The following RAB3GAP1 variants were observed in gnomAD, a reference collection of about 807,000 sequenced individuals.
RAB3GAP1 encodes RAB3 GTPase activating protein catalytic subunit 1.
In RAB3GAP1, 86 loss-of-function variants were observed where a neutral mutation model predicts 130.7. That is an observed-to-expected ratio of 0.66 (90% CI 0.55 to 0.79). The LOEUF is 0.79. RAB3GAP1 is among the 30% of genes least tolerant of loss of function. The pLI is 0.00. For synonymous variants in RAB3GAP1, 367 were observed against 401.7 expected, an observed-to-expected ratio of 0.91 and a Z score of 1.03; for missense variants, 1,029 against 1,169.4, an observed-to-expected ratio of 0.88 and a Z score of 1.75.
chr2:135,080,920 C>G (rs946617723), intron 3 of RAB3GAP1, among the ~76,000 whole-genome samples: 1 of 152,122 alleles, frequency 6.6e-6, no homozygotes, highest in African/African-American at 2.4e-5. Context: ...GAAGGCCAGC[C>G]AGGCCACCTG....
intron 5 of RAB3GAP1, among the ~76,000 whole-genome samples, chr2:135,110,059 A>T (rs912279039): frequency 3.9e-5 from 6 of 152,130 alleles, no homozygotes; most frequent in African/African-American, 1.4e-4. Context: ...CCTATTGGGG[A>T]AAAAGTAGTG....
chr2:135,163,056 G>T lies in RAB3GAP1; in HGVS notation c.2561G>T (p.Gly854Val), dbSNP rs756725998. The T allele has an allele frequency of 3.1e-6, 5 of 1,613,966 alleles. No individual in the cohort carries two copies. The Admixed American group carries it at 6.7e-5, about 22-fold the overall frequency. The change falls in exon 22 of 24, where the codon GGA (glycine) becomes GTA (valine). Residue 854 changes from glycine to valine, a missense_variant. By Grantham distance (109) the Gly-to-Val change is moderately radical. Coordinates refer to ENST00000264158, the MANE Select transcript of RAB3GAP1 (RefSeq NM_012233.3). ...GCTCGGTCACTAAAAGCCAAGTTTG[G>T]AACTGAGAAATGTGAACAGGAGGAG... is the stretch of plus-strand genomic sequence containing the variant. ...ARARSLKAKF[G>V]TEKCEQEEEK...
chr2:135,164,420 C>T (rs1345217562), intron 22 of RAB3GAP1, among the ~76,000 whole-genome samples, 174 bp from the exon 23 acceptor site: 5 of 152,104 alleles, frequency 3.3e-5, no homozygotes, highest in African/African-American at 1.2e-4. Context: ...TCAGTTAAGT[C>T]GATAATAATT....
chr2:135,150,520 G>A lies in RAB3GAP1; in HGVS notation c.2061+14G>A. 6.2e-7 allele frequency: 1 copy of A among 1,613,754 alleles called. No homozygotes were observed. The highest frequency in any genetic ancestry group is 8.5e-7 in the Non-Finnish European group (1 of 1,180,010). On this transcript the variant is annotated intron_variant, in intron 18 of 23. Transcript: ENST00000264158. ...GAGTCTTTTAAGGTGGGTCACACTT[G>A]CAGAGCTCTGGGGTCTATTTTGAGC...
intron 17 of RAB3GAP1, among the ~76,000 whole-genome samples, chr2:135,142,329 C>T (rs1691866921): frequency 6.6e-6 from 1 of 151,872 alleles, no homozygotes; most frequent in African/African-American, 2.4e-5. Context: ...GTTCATTTTC[C>T]AATTTTTTTC....
chr2:135,151,052 A>G (rs998853534), intron 18 of RAB3GAP1, among the ~76,000 whole-genome samples: 6 of 152,234 alleles, frequency 3.9e-5, no homozygotes, highest in African/African-American at 1.4e-4. Flanking sequence ...ATTTCAGATG[A>G]GTAGGCATTT....
At chr2:135,157,968 G>A (rs1400532839) in intron 19 of RAB3GAP1, among the ~76,000 whole-genome samples, 1 of 152,048 alleles carries the variant, frequency 6.6e-6, no homozygotes, top group Non-Finnish European at 1.5e-5. Context: ...AACTAAATAT[G>A]TTGGTGGTGT....
At chr2:135,148,668 CTTT>C (rs60407802) in intron 17 of RAB3GAP1, among the ~76,000 whole-genome samples, 5,036 of 113,058 alleles carry the variant, frequency 0.045, 114 homozygotes, top group African/African-American at 0.061. Flanking sequence ...ATTTTTGTAT[CTTT>C]TTTTTTTTTT....
intron 3 of RAB3GAP1, among the ~76,000 whole-genome samples, chr2:135,063,790 A>G (rs1180799016): frequency 3.3e-5 from 5 of 152,192 alleles, no homozygotes; most frequent in East Asian, 1.9e-4. Flanking sequence ...ACGTGAATGT[A>G]CAAATATCTG....
chr2:135,070,244 G>A (rs992435994), intron 3 of RAB3GAP1, among the ~76,000 whole-genome samples: 3 of 152,212 alleles, frequency 2.0e-5, no homozygotes, highest in Admixed American at 1.3e-4. Flanking sequence ...TTGGAAATGT[G>A]TCCCGGGCTG....
intron 2 of RAB3GAP1, 74 bp from the exon 3 acceptor site, chr2:135,057,936 CT>C (rs1013739862): frequency 1.8e-6 from 2 of 1,087,526 alleles, no homozygotes; most frequent in African/African-American, 1.6e-5. Flanking sequence ...TAAAAAATAC[CT>C]TTTTAAAGAA....
At chr2:135,091,241 A>T (rs1690133834) in intron 4 of RAB3GAP1, 111 bp downstream of exon 4, 1 of 1,035,998 alleles carries the variant, frequency 9.7e-7, no homozygotes, top group East Asian at 2.5e-5. Flanking sequence ...GAACTGTTTT[A>T]CATAAGCAAA....
intron 7 of RAB3GAP1, among the ~76,000 whole-genome samples, chr2:135,117,582 G>A (rs199846642): frequency 9.9e-5 from 6 of 60,608 alleles, no homozygotes; most frequent in Admixed American, 1.4e-4. Flanking sequence ...TTCTTCTTCT[G>A]CTTCTTCTTC....
chr2:135,082,161 G>GAATGAATGAAGGAATGAATA (rs138937070), intron 3 of RAB3GAP1, among the ~76,000 whole-genome samples: 3 of 150,250 alleles, frequency 2.0e-5, no homozygotes, highest in African/African-American at 7.4e-5. Context: ...ATGAATGAAT[G>GAATGAATGAAGGAATGAATA]AATAAATAAA....
At chr2:135,152,938 A>G (rs969853788) in intron 18 of RAB3GAP1, 3 of 152,284 alleles carry the variant, frequency 2.0e-5, no homozygotes, top group Non-Finnish European at 4.4e-5. Context: ...ATACATCATC[A>G]TTAATTCTAT....
At chr2:135,149,709 A>G (rs1472529452) in intron 17 of RAB3GAP1, among the ~76,000 whole-genome samples, 1 of 152,158 alleles carries the variant, frequency 6.6e-6, no homozygotes, top group African/African-American at 2.4e-5. Flanking sequence ...GCTGGAGTGC[A>G]GTGGCTCGAT....
At chr2:135,117,522 GCTTCTTCTGCTTCTT>G (rs1691025343) in intron 7 of RAB3GAP1, among the ~76,000 whole-genome samples, 1 of 30,048 alleles carries the variant, frequency 3.3e-5, no homozygotes. Context: ...TGCTTCTTCT[GCTTCTTCTGCTTCTT>G]CTTCTGCTTC....
chr2:135,125,716 T>C (rs1202014077), intron 9 of RAB3GAP1, among the ~76,000 whole-genome samples: 1 of 152,076 alleles, frequency 6.6e-6, no homozygotes, highest in Non-Finnish European at 1.5e-5. Context: ...CCTAATGGGG[T>C]GGGATGGCAC....
chr2:135,146,199 CT>C (rs1173567563), intron 17 of RAB3GAP1, among the ~76,000 whole-genome samples: 217 of 96,562 alleles, frequency 2.2e-3, no homozygotes, highest in East Asian at 8.0e-3. Context: ...CATATTTGTT[CT>C]TTTTTTTTTT....
Sources: gnomAD v4.1 joint callset for allele counts (sites outside exome capture counted in the v4.1 genomes callset) on GRCh38, gnomAD v4.1.1 for gene constraint, MANE v1.5 for transcripts, NCBI Gene and HGNC (gene_info 2026-07-23, HGNC 2026-07-21) for gene names.